The following TMOD3 variants were observed in gnomAD, a reference collection of about 807,000 sequenced individuals.
TMOD3 encodes the protein tropomodulin 3.
TMOD3 carries 20 observed loss-of-function variants against 39.2 expected under a neutral mutation model. The ratio of observed to expected loss-of-function variants is 0.51; its 90% CI spans 0.36 to 0.74. The LOEUF (loss-of-function observed/expected upper bound fraction) is 0.74. Among genes scored for constraint, TMOD3 ranks in the 30% least tolerant of loss-of-function variants. The pLI, the probability that TMOD3 is intolerant of heterozygous loss-of-function variation, is 0.00. For missense variants in TMOD3, 381 were observed against 412.8 expected, an observed-to-expected ratio of 0.92 and a Z score of 0.67; for synonymous variants, 143 against 145.8, an observed-to-expected ratio of 0.98 and a Z score of 0.14.
At chr15:51,897,959 A>T (rs2056629958) in intron 7 of TMOD3, among the ~76,000 whole-genome samples, 1 of 152,096 alleles carries the variant, frequency 6.6e-6, no homozygotes, top group Non-Finnish European at 1.5e-5. Flanking sequence ...TTATTGCAAC[A>T]GCCTCCTAAT....
chr15:51,894,066 C>A (rs1375008393), intron 6 of TMOD3, 121 bp downstream of exon 6: 3 of 790,114 alleles, frequency 3.8e-6, no homozygotes, highest in South Asian at 3.8e-5. Flanking sequence ...TTTGCTCTTA[C>A]CAGTATGCTA....
At chr15:51,862,002 A>C (rs2056421676) in intron 1 of TMOD3, among the ~76,000 whole-genome samples, 1 of 152,168 alleles carries the variant, frequency 6.6e-6, no homozygotes, top group Non-Finnish European at 1.5e-5. Context: ...ATATGCAGAA[A>C]TCCTTGGTTT....
At chr15:51,904,169 C>A (rs187635980) in intron 9 of TMOD3, among the ~76,000 whole-genome samples, 1 of 152,332 alleles carries the variant, frequency 6.6e-6, no homozygotes, top group Admixed American at 6.5e-5. Flanking sequence ...TTTCTGAGTT[C>A]ATCATTGTTA....
At chr15:51,846,129 A>T (rs1251800244) in intron 1 of TMOD3, among the ~76,000 whole-genome samples, 7 of 150,278 alleles carry the variant, frequency 4.7e-5, no homozygotes, top group African/African-American at 1.7e-4. Context: ...CAGCCTGGGC[A>T]ACATGGTAAA....
rs58973705 is a variant in TMOD3, at chr15:51,872,600, G to GTTTTT, written c.283+3237_283+3241dup. Among the ~76,000 whole-genome samples the GTTTTT allele has an allele frequency of 5.1e-3, 656 of 129,748 alleles. 9 individuals are homozygous for GTTTTT. Among genetic ancestry groups the GTTTTT allele is most frequent in the Non-Finnish European group, 6.2e-3 (383 of 61,900 alleles). The allele number at this position is 129,748 out of a possible 152,430, so 85.1% of individuals were successfully genotyped here. A position where few individuals can be genotyped will look rare whatever the true frequency, so the allele number is the denominator to read the frequency against. On this transcript the variant is annotated intron_variant, in intron 3 of 9. Transcript: ENST00000308580. ...TATATTTTTTGTGAGGACCAAATTTGTTTTTTTTTTTTTTGGTTTGGTTTT... is the reference window on the plus strand; with the variant it reads ...TATATTTTTTGTGAGGACCAAATTTGTTTTTTTTTTTTTTTTTTTGGTTTGGTTTT...
chr15:51,850,401 A>T (rs1457529233), intron 1 of TMOD3, among the ~76,000 whole-genome samples: 4 of 152,110 alleles, frequency 2.6e-5, no homozygotes, highest in Non-Finnish European at 5.9e-5. Flanking sequence ...GTGTATGGGT[A>T]CAGGTGTGGC....
intron 1 of TMOD3, among the ~76,000 whole-genome samples, chr15:51,843,291 G>A (rs773961283): frequency 2.0e-5 from 3 of 152,172 alleles, no homozygotes; most frequent in Admixed American, 6.5e-5. Flanking sequence ...CAAATGAGGC[G>A]GCCAGCTGAA....
At chr15:51,832,438 T>C (rs2056261356) in intron 1 of TMOD3, among the ~76,000 whole-genome samples, 1 of 151,868 alleles carries the variant, frequency 6.6e-6, no homozygotes, top group South Asian at 2.1e-4. Flanking sequence ...CCCCAGGCTA[T>C]ACTGTCTATA....
chr15:51,862,870 G>C lies in TMOD3; in HGVS notation c.-15G>C, dbSNP rs764935030. The C allele has an allele frequency of 6.2e-7, 1 of 1,607,030 alleles. No individual in the cohort carries two copies. Among genetic ancestry groups the C allele is most frequent in the South Asian group, 1.1e-5 (1 of 89,288 alleles). On this transcript the variant is annotated 5_prime_UTR_variant, in exon 2 of 10. Coordinates refer to ENST00000308580, the MANE Select transcript of TMOD3 (RefSeq NM_014547.5). ...CTGAACAGCAAAAATTAAGTGACTT[G>C]CTGCCCTGCACATCATGGCACTGCC...
chr15:51,836,738 AAAAAAG>A (rs2056286237), intron 1 of TMOD3, among the ~76,000 whole-genome samples: 2 of 44,486 alleles, frequency 4.5e-5, no homozygotes, highest in East Asian at 6.1e-4. Flanking sequence ...AAAAAAAAAG[AAAAAAG>A]AAAAAAGAAA....
chr15:51,838,324 G>GA (rs1595889217), intron 1 of TMOD3, among the ~76,000 whole-genome samples: 1 of 151,872 alleles, frequency 6.6e-6, no homozygotes, highest in South Asian at 2.1e-4. Context: ...ATATTTTCTT[G>GA]AAAAAAACAA....
chr15:51,837,888 T>G (rs1277628027), intron 1 of TMOD3, among the ~76,000 whole-genome samples: 2 of 152,160 alleles, frequency 1.3e-5, no homozygotes. Flanking sequence ...AGAAACTGTT[T>G]CCTCTTTTCT....
intron 1 of TMOD3, among the ~76,000 whole-genome samples, chr15:51,851,107 AG>A (rs2056359694): frequency 6.6e-6 from 1 of 152,100 alleles, no homozygotes. Context: ...AGAGTTATGG[AG>A]GGGCACACTT....
chr15:51,886,048 G>A (rs1277030598), intron 3 of TMOD3, among the ~76,000 whole-genome samples: 4 of 145,474 alleles, frequency 2.7e-5, no homozygotes, highest in Non-Finnish European at 6.0e-5. Flanking sequence ...CGGGCGGAGG[G>A]GCTCCTCACT....
rs1246725663 is a variant in TMOD3 at position 51,913,108 on chromosome 15, G to C, written c.*4298G>C. 6.6e-6 allele frequency: 1 copy of C among 152,112 alleles called. No homozygotes were observed. The highest frequency in any genetic ancestry group is 1.9e-4 in the East Asian group (1 of 5,140). The allele number at this position is 152,112 out of a possible 1,614,324, so 9.4% of individuals were successfully genotyped here. A position where few individuals can be genotyped will look rare whatever the true frequency, so the allele number is the denominator to read the frequency against. ...CCTGCCTCAGCCTCCCAAGTAGCTGGGATTACAGGCGTCCGCCACCACGCC... is the reference window on the plus strand; with the variant it reads ...CCTGCCTCAGCCTCCCAAGTAGCTGCGATTACAGGCGTCCGCCACCACGCC... On this transcript the variant is annotated 3_prime_UTR_variant, in exon 10 of 10. Transcript: ENST00000308580.
chr15:51,861,855 C>T (rs1000198182), intron 1 of TMOD3, among the ~76,000 whole-genome samples: 1 of 152,002 alleles, frequency 6.6e-6, no homozygotes, highest in African/African-American at 2.4e-5. Context: ...GTTGCCCAGG[C>T]TGCTCTTAAA....
intron 5 of TMOD3, among the ~76,000 whole-genome samples, chr15:51,889,911 C>G (rs2056583653): frequency 6.6e-6 from 1 of 152,086 alleles, no homozygotes; most frequent in Non-Finnish European, 1.5e-5. Flanking sequence ...CAAGGTGATA[C>G]ATGCCTTTGT....
chr15:51,865,618 A>G (rs1039260042), intron 2 of TMOD3, among the ~76,000 whole-genome samples: 2 of 152,142 alleles, frequency 1.3e-5, no homozygotes, highest in East Asian at 3.8e-4. Flanking sequence ...TCTAACCTCA[A>G]TACTGTTAGT....
chr15:51,895,738 G>A (rs887745685), intron 6 of TMOD3, among the ~76,000 whole-genome samples: 3 of 152,142 alleles, frequency 2.0e-5, no homozygotes, highest in Admixed American at 2.0e-4. Flanking sequence ...TCTGCCTCAG[G>A]AATCGTACTC....
Sources: gnomAD v4.1 joint callset for allele counts (sites outside exome capture counted in the v4.1 genomes callset) on GRCh38, gnomAD v4.1.1 for gene constraint, MANE v1.5 for transcripts, NCBI Gene and HGNC (gene_info 2026-07-23, HGNC 2026-07-21) for gene names.